CUL7: variants seen among roughly 807,000 people sequenced by gnomAD.
The protein encoded by CUL7 is cullin 7, also known as cullin-7.
CUL7 carries 96 observed loss-of-function variants against 177.7 expected under a neutral mutation model. The observed-to-expected ratio is 0.54, with a 90% CI of 0.46 to 0.64. CUL7 has a LOEUF of 0.64. CUL7 is among the 30% of genes least tolerant of loss of function. The pLI is 0.00. For synonymous variants in CUL7, 824 were observed against 890.2 expected, an observed-to-expected ratio of 0.93 and a Z score of 1.32; for missense variants, 1,893 against 2,187.9, an observed-to-expected ratio of 0.87 and a Z score of 2.69.
At chr6:43,049,798 C>A in intron 6 of CUL7, 136 bp from the exon 7 acceptor site, 13 of 1,395,440 alleles carry the variant, frequency 9.3e-6, no homozygotes, top group Non-Finnish European at 1.3e-5. Context: ...GCTGGCTCCT[C>A]CCAAACAGCT....
chr6:43,048,175 G>A lies in CUL7; in HGVS notation c.2142C>T (p.Cys714=). 1 of 1,612,732 alleles carries A rather than the reference G, an allele frequency of 6.2e-7. No individual in the cohort carries two copies. The highest frequency in any genetic ancestry group is 8.5e-7 in the Non-Finnish European group (1 of 1,178,746). ...WHEAVDACMA[C]LRSPNTDREV... ...CTCGATCAGTGTTTGGGGACCGCAGGCAGGCCATGCAGGCATCCACGGCCT... is the reference window on the plus strand; with the variant it reads ...CTCGATCAGTGTTTGGGGACCGCAGACAGGCCATGCAGGCATCCACGGCCT... The change falls in exon 9 of 26, where the codon TGC becomes TGT. Residue 714 remains cysteine (C), a synonymous_variant. Transcript: ENST00000265348.
Position 43,048,336 on chromosome 6 carries a change from GCA to G in CUL7, c.2057_2058del (p.Val686AlafsTer35), listed in dbSNP as rs1561889098. 2 of 1,607,084 alleles carry G rather than the reference GCA, an allele frequency of 1.2e-6. No individual in the cohort carries two copies. The highest frequency in any genetic ancestry group is 2.2e-5 in the South Asian group (2 of 90,960). On this transcript the variant is annotated frameshift_variant, in exon 8 of 26. Coordinates refer to ENST00000265348, the MANE Select transcript of CUL7 (RefSeq NM_014780.5). LOFTEE classifies it high-confidence loss of function. Reference sequence around the variant, plus strand: ...CACCTGTCACCATGCTCTCACCTCAGCACAGTCAGGTGCAGGGTCCTGTTAGT... The same window carrying G: ...CACCTGTCACCATGCTCTCACCTCAGCAGTCAGGTGCAGGGTCCTGTTAGT... The part of the protein sequence containing the change: ...PETNRTLHLT[V>X]LRILKQLVDF...
At chr6:43,041,448 A>G (rs1051271462) in intron 19 of CUL7, among the ~76,000 whole-genome samples, 3 of 151,972 alleles carry the variant, frequency 2.0e-5, no homozygotes, top group African/African-American at 7.3e-5. Flanking sequence ...TCTACTAAAA[A>G]TACGAAAAAA....
rs1445932269 is a variant in CUL7, at chr6:43,053,017, G to T, written c.-8-221C>A. 2.0e-5 allele frequency among the ~76,000 whole-genome samples: 3 copies of T among 152,158 alleles called. No individual in the cohort carries two copies. The highest frequency in any genetic ancestry group is 4.4e-5 in the Non-Finnish European group (3 of 68,014). ...GAACACAAAATTTGGGGGCTAAAAG[G>T]AAGGTCCCCAAGACCCTGTGGCCTG... On this transcript the variant is annotated intron_variant, in intron 1 of 25. Coordinates refer to ENST00000265348, the MANE Select transcript of CUL7 (RefSeq NM_014780.5). This position sits in a 1 kb window ranked among gnomAD's most constrained non-coding sequence, Gnocchi z 4.1.
rs933432984 is a variant in CUL7 at position 43,040,072 on chromosome 6, C to T, written c.4294+84G>A. ...TCTCTTTTTACATCAAGCCTCCCAA[C>T]ATCAGGGTCTGCCCCCAACCCCAGG... On this transcript the variant is annotated intron_variant, in intron 22 of 25. Coordinates refer to ENST00000265348, the MANE Select transcript of CUL7 (RefSeq NM_014780.5). The surrounding 1 kb of genome is among the most constrained non-coding windows in gnomAD (Gnocchi z 4.2). 7 of 1,510,142 alleles carry T rather than the reference C, an allele frequency of 4.6e-6. No individual in the cohort carries two copies. The highest frequency in any genetic ancestry group is 4.5e-5 in the South Asian group (4 of 88,452). 93.5% of individuals were successfully genotyped at this position (1,510,142 alleles called of 1,614,324 possible). A position where few individuals can be genotyped will look rare whatever the true frequency, so the allele number is the denominator to read the frequency against.
At chr6:43,041,147 G>A (rs568440817) in intron 19 of CUL7, 72 bp from the exon 20 acceptor site, 5 of 1,495,512 alleles carry the variant, frequency 3.3e-6, no homozygotes, top group Non-Finnish European at 4.6e-6. Flanking sequence ...GAGGGATGAG[G>A]GTCTGGAAAG....
rs140769382 is a variant in CUL7 at position 43,046,918 on chromosome 6, G to A, written c.2359C>T (p.Arg787Cys). ...FKCEKHAHLYRKLITNILGGC... is the reference protein window; with the variant it reads ...FKCEKHAHLYCKLITNILGGC... ...CCCAGGATGTTGGTGATGAGTTTGCGGTAGAGGTGGGCATGCTTCTCACAC... is the reference window on the plus strand; with the variant it reads ...CCCAGGATGTTGGTGATGAGTTTGCAGTAGAGGTGGGCATGCTTCTCACAC... Residue 787 changes from arginine (R) to cysteine (C), a missense_variant, in exon 10 of 26, where the codon CGC becomes TGC. By Grantham distance (180) the Arg-to-Cys change is radical (BLOSUM62 -3). This residue lies in a region of CUL7 where 973 missense variants were observed against 1,140.9 expected (regional missense o/e 0.85). Coordinates refer to ENST00000265348, the MANE Select transcript of CUL7 (RefSeq NM_014780.5). The A allele has an allele frequency of 4.3e-6, 7 of 1,612,190 alleles. No individual in the cohort carries two copies. The highest frequency in any genetic ancestry group is 2.2e-5 in the East Asian group (1 of 44,862).
Position 43,049,581 on chromosome 6 carries a change from G to A in CUL7, c.1651C>T (p.Leu551Phe), listed in dbSNP as rs905431266. The A allele has an allele frequency of 6.2e-7, 1 of 1,614,206 alleles. No homozygotes were observed. ...AGGTCCCTGAGGGCACTGTCATTGAGTCGCTGTGGCAGAGTCAGCAGCAAG... is the reference window on the plus strand; with the variant it reads ...AGGTCCCTGAGGGCACTGTCATTGAATCGCTGTGGCAGAGTCAGCAGCAAG... ...QDLLLTLPQR[L>F]NDSALRDLIN... Residue 551 changes from leucine to phenylalanine, a missense_variant, in exon 7 of 26, where the codon CTC becomes TTC. This residue lies in a region of CUL7 where 653 missense variants were observed against 725.2 expected (regional missense o/e 0.90). Transcript: ENST00000265348.
chr6:43,044,988 G>A (rs1054290262), intron 15 of CUL7, 103 bp from the exon 16 acceptor site: 35 of 1,533,220 alleles, frequency 2.3e-5, no homozygotes, highest in African/African-American at 5.5e-5. Context: ...CACCCAAACC[G>A]AAGGCCCCCT....
chr6:43,045,950 G>A lies in CUL7; in HGVS notation c.2766+36C>T. The A allele has an allele frequency of 2.0e-6, 3 of 1,511,134 alleles. No individual in the cohort carries two copies. Among genetic ancestry groups the A allele is most frequent in the Non-Finnish European group, 2.8e-6 (3 of 1,086,758 alleles). The allele number at this position is 1,511,134 out of a possible 1,614,324, so 93.6% of individuals were successfully genotyped here. A position where few individuals can be genotyped will look rare whatever the true frequency, so the allele number is the denominator to read the frequency against. ...AGAAGCAGGAGGGCAGATCCTGTGAGGGGTGGAGTAATGGCTAATGGCCCT... is the reference window on the plus strand; with the variant it reads ...AGAAGCAGGAGGGCAGATCCTGTGAAGGGTGGAGTAATGGCTAATGGCCCT... On this transcript the variant is annotated intron_variant, in intron 13 of 25. Coordinates refer to ENST00000265348, the MANE Select transcript of CUL7 (RefSeq NM_014780.5). The surrounding 1 kb of genome is among the most constrained non-coding windows in gnomAD (Gnocchi z 4.8).
Position 43,038,832 on chromosome 6 carries a change from G to A in CUL7, c.4440+10C>T. The A allele has an allele frequency of 3.7e-6, 6 of 1,614,202 alleles. No individual in the cohort carries two copies. Among genetic ancestry groups the A allele is most frequent in the Non-Finnish European group, 5.1e-6 (6 of 1,180,028 alleles). On this transcript the variant is annotated intron_variant, in intron 23 of 25. Transcript: ENST00000265348. ...GGAGACAGGAGAGAGGTGCAGCGGG[G>A]CTGGGCCACCTTCAGGTCGTTGAGA...
chr6:43,052,807 C>A lies in CUL7; in HGVS notation c.-8-11G>T, dbSNP rs1764537952. 6.2e-7 allele frequency: 1 copy of A among 1,600,296 alleles called. No individual in the cohort carries two copies. Among genetic ancestry groups the A allele is most frequent in the African/African-American group, 1.3e-5 (1 of 74,990 alleles). On this transcript the variant is annotated splice_polypyrimidine_tract_variant and intron_variant, in intron 1 of 25. Coordinates refer to ENST00000265348, the MANE Select transcript of CUL7 (RefSeq NM_014780.5). This position sits in a 1 kb window ranked among gnomAD's most constrained non-coding sequence, Gnocchi z 4.5. ...CCACCATCCTGGCACCTGGAGCACA[C>A]AAGGAAAAGAGAACAGACAAGCTAG...
At position 43,051,026 on chromosome 6, in the gene CUL7, A is replaced by C. The variant is rs774854280; in HGVS notation, c.1175T>G (p.Ile392Ser). 1 of 1,613,922 alleles carries C rather than the reference A, an allele frequency of 6.2e-7. No homozygotes were observed. Among genetic ancestry groups the C allele is most frequent in the Non-Finnish European group, 8.5e-7 (1 of 1,179,932 alleles). Residue 392 changes from isoleucine to serine, a missense_variant, in exon 4 of 26, where the codon ATC (isoleucine) becomes AGC (serine). By Grantham distance (142) the Ile-to-Ser change is moderately radical (BLOSUM62 -2). Coordinates refer to ENST00000265348, the MANE Select transcript of CUL7 (RefSeq NM_014780.5). This position sits in a 1 kb window ranked among gnomAD's most constrained non-coding sequence, Gnocchi z 5.0. ...RVRMLDDYEE[I>S]SAGDEGEFRQ... ...AAACTCGCCCTCATCCCCGGCACTGATCTCCTCATAATCATCCAGCATCCG... is the reference window on the plus strand; with the variant it reads ...AAACTCGCCCTCATCCCCGGCACTGCTCTCCTCATAATCATCCAGCATCCG...
At chr6:43,042,281 C>G (rs1417673295) in intron 19 of CUL7, among the ~76,000 whole-genome samples, 3 of 152,112 alleles carry the variant, frequency 2.0e-5, no homozygotes, top group Non-Finnish European at 4.4e-5. Context: ...TGCTCTGTAC[C>G]CTGCTTTCCA....
chr6:43,037,640 T>C lies in CUL7; in HGVS notation c.*48A>G. ...CATATAATCAAACTCTTGGGTTTTA[T>C]TTCTGTAAAAGCTCCAGCTCTACCT... On this transcript the variant is annotated 3_prime_UTR_variant, in exon 26 of 26. Transcript: ENST00000265348. 1 of 1,497,536 alleles carries C rather than the reference T, an allele frequency of 6.7e-7. No homozygotes were observed. The highest frequency in any genetic ancestry group is 9.1e-7 in the Non-Finnish European group (1 of 1,098,760). The allele number at this position is 1,497,536 out of a possible 1,614,324, so 92.8% of individuals were successfully genotyped here.
In CUL7 at chr6:43,051,046, C is replaced by T. The variant is rs766562298; in HGVS notation, c.1155G>A (p.Met385Ile). The change falls in exon 4 of 26, where the codon ATG becomes ATA. Residue 385 changes from methionine to isoleucine, a missense_variant. Transcript: ENST00000265348. The surrounding 1 kb of genome is among the most constrained non-coding windows in gnomAD (Gnocchi z 5.0). ...CACTGATCTCCTCATAATCATCCAG[C>T]ATCCGCACTCGCATCCCCGGCTGCA... Reference protein sequence around the residue: ...DTLQPGMRVRMLDDYEEISAG... With the variant: ...DTLQPGMRVRILDDYEEISAG... The T allele has an allele frequency of 6.2e-7, 1 of 1,614,204 alleles. No individual in the cohort carries two copies. Among genetic ancestry groups the T allele is most frequent in the Non-Finnish European group, 8.5e-7 (1 of 1,180,040 alleles).
Position 43,042,837 on chromosome 6 carries a change from C to T in CUL7, c.3610G>A (p.Ala1204Thr), listed in dbSNP as rs1554136798. 1 of 1,613,758 alleles carries T rather than the reference C, an allele frequency of 6.2e-7. No homozygotes were observed. The highest frequency in any genetic ancestry group is 1.7e-4 in the Middle Eastern group (1 of 6,050). Residue 1204 changes from alanine to threonine, a missense_variant, in exon 19 of 26, where the codon GCC (alanine) becomes ACC (threonine). Physicochemically the swap from Ala to Thr is moderately conservative, Grantham distance 58. This residue lies in a region of CUL7 where 973 missense variants were observed against 1,140.9 expected (regional missense o/e 0.85). Transcript: ENST00000265348. ...LLALQNGCAGALLKLPFLKAA... is the reference protein window; with the variant it reads ...LLALQNGCAGTLLKLPFLKAA... ...TTGAGAAAAGGGAGCTTCAGCAAGG[C>T]TCCCGCACAGCCATTTTGCAGCGCC... is the stretch of plus-strand genomic sequence containing the variant.
rs1764299808 is a variant in CUL7, at chr6:43,050,498, G to C, written c.1234-100C>G. 3.5e-6 allele frequency: 5 copies of C among 1,434,196 alleles called. No homozygotes were observed. In the Admixed American group the frequency reaches 7.2e-5, roughly 21 times the overall value. The allele number at this position is 1,434,196 out of a possible 1,614,324, so 88.8% of individuals were successfully genotyped here. On this transcript the variant is annotated intron_variant, in intron 4 of 25. Transcript: ENST00000265348. The surrounding 1 kb of genome is among the most constrained non-coding windows in gnomAD (Gnocchi z 4.1). ...ACTATAGCCCTCAGGGTGACCACCT[G>C]GCCAGGTTTTAGAAAAACCTCCACA...
rs1763857430 is a variant in CUL7 at position 43,045,892 on chromosome 6, T to A, written c.2766+94A>T. The A allele has an allele frequency of 8.7e-7, 1 of 1,146,318 alleles. No homozygotes were observed. The allele number at this position is 1,146,318 out of a possible 1,614,324, so 71.0% of individuals were successfully genotyped here. A position where few individuals can be genotyped will look rare whatever the true frequency, so the allele number is the denominator to read the frequency against. On this transcript the variant is annotated intron_variant, in intron 13 of 25. Transcript: ENST00000265348. The surrounding 1 kb of genome is among the most constrained non-coding windows in gnomAD (Gnocchi z 4.8). The stretch of plus-strand genomic sequence containing the variant: ...TACTTTCTGTGGGGCTCAAGACAGG[T>A]GGGAGTTAGAAAAAAGTAGGATAGG...
Sources: gnomAD v4.1 joint callset for allele counts (sites outside exome capture counted in the v4.1 genomes callset) on GRCh38, gnomAD v4.1.1 for gene constraint, gnomAD v4.1.1 regional missense constraint, Gnocchi (gnomAD v3.1) non-coding constraint, MANE v1.5 for transcripts, NCBI Gene and HGNC (gene_info 2026-07-23, HGNC 2026-07-21) for gene names.